The following SLC24A2 variants were observed in gnomAD, a reference collection of about 807,000 sequenced individuals.
SLC24A2 encodes solute carrier family 24 member 2, also known as sodium/potassium/calcium exchanger 2.
Under a neutral mutation model 62.0 loss-of-function variants are expected in SLC24A2, and 36 were observed. The ratio of observed to expected loss-of-function variants is 0.58; its 90% confidence interval spans 0.44 to 0.77. The LOEUF is 0.77. Among genes scored for constraint, SLC24A2 ranks in the 30% least tolerant of loss-of-function variants. The pLI, the probability that SLC24A2 is intolerant of heterozygous loss-of-function variation, is 0.00. For missense variants in SLC24A2, 846 were observed against 817.9 expected, an observed-to-expected ratio of 1.03 and a Z score of -0.42; for synonymous variants, 358 against 294.0, an observed-to-expected ratio of 1.22 and a Z score of -2.23.
the SLC24A2 span, among the ~76,000 whole-genome samples, chr9:20,269,318 G>T: frequency 3.0e-3 from 456 of 152,260 alleles, 3 homozygotes; most frequent in African/African-American, 0.011. Context: ...CATCCATGAT[G>T]TTGGAAACTG....
chr9:19,593,279 C>T (rs946774082), intron 5 of SLC24A2, among the ~76,000 whole-genome samples: 1 of 152,200 alleles, frequency 6.6e-6, no homozygotes, highest in Admixed American at 6.5e-5. Context: ...TGTTTAATCT[C>T]CTCCGCTCTG....
At chr9:20,231,323 G>A in the SLC24A2 span, among the ~76,000 whole-genome samples, 1 of 152,124 alleles carries the variant, frequency 6.6e-6, no homozygotes, top group Non-Finnish European at 1.5e-5. Flanking sequence ...ATTATCTTGG[G>A]CAGTATGGCC....
chr9:20,269,677 C>G, the SLC24A2 span, among the ~76,000 whole-genome samples: 1 of 152,160 alleles, frequency 6.6e-6, no homozygotes, highest in Admixed American at 6.5e-5. Context: ...CGACCCTCAC[C>G]AAGATTTTTT....
intron 5 of SLC24A2, among the ~76,000 whole-genome samples, chr9:19,589,580 A>G (rs1339737068): frequency 6.6e-6 from 1 of 152,240 alleles, no homozygotes; most frequent in African/African-American, 2.4e-5. Flanking sequence ...AAGGGAATAT[A>G]TATTTTTTCA....
At chr9:20,129,989 A>C in the SLC24A2 span, among the ~76,000 whole-genome samples, 1 of 149,318 alleles carries the variant, frequency 6.7e-6, no homozygotes, top group Admixed American at 6.7e-5. Context: ...CCTAGAAGGT[A>C]GTTTTGGCCT....
chr9:19,896,731 C>T, the SLC24A2 span, among the ~76,000 whole-genome samples: 1 of 152,128 alleles, frequency 6.6e-6, no homozygotes, highest in Non-Finnish European at 1.5e-5. Flanking sequence ...AAGACTTTGT[C>T]CATCTTCTTA....
At chr9:20,139,126 G>T in the SLC24A2 span, among the ~76,000 whole-genome samples, 7 of 152,104 alleles carry the variant, frequency 4.6e-5, no homozygotes, top group Non-Finnish European at 8.8e-5. Context: ...ATCTTTTTGG[G>T]TTTTTTTGCC....
At chr9:19,924,850 T>C in the SLC24A2 span, among the ~76,000 whole-genome samples, 1 of 152,196 alleles carries the variant, frequency 6.6e-6, no homozygotes, top group Non-Finnish European at 1.5e-5. Flanking sequence ...GTTTGCCCCA[T>C]AATTACTATC....
chr9:19,837,315 G>C, the SLC24A2 span, among the ~76,000 whole-genome samples: 1 of 151,006 alleles, frequency 6.6e-6, no homozygotes, highest in Non-Finnish European at 1.5e-5. Flanking sequence ...AGCCGGGTGC[G>C]GTGGCGGGCG....
At chr9:19,636,851 G>T (rs1329886044) in intron 2 of SLC24A2, among the ~76,000 whole-genome samples, 1 of 152,170 alleles carries the variant, frequency 6.6e-6, no homozygotes, top group Non-Finnish European at 1.5e-5. Context: ...GCAGCGGGAA[G>T]AGTGTCCATA....
At chr9:19,889,448 A>G in the SLC24A2 span, among the ~76,000 whole-genome samples, 2 of 147,384 alleles carry the variant, frequency 1.4e-5, no homozygotes, top group African/African-American at 5.0e-5. Flanking sequence ...AGGAAATACA[A>G]ATTTAATCCT....
At chr9:19,674,061 C>T (rs1819496590) in intron 2 of SLC24A2, among the ~76,000 whole-genome samples, 1 of 152,076 alleles carries the variant, frequency 6.6e-6, no homozygotes, top group Non-Finnish European at 1.5e-5. Flanking sequence ...TCTTATAGTG[C>T]TGGCTTGGTA....
At chr9:19,946,420 A>G in the SLC24A2 span, among the ~76,000 whole-genome samples, 3 of 152,202 alleles carry the variant, frequency 2.0e-5, no homozygotes, top group Non-Finnish European at 4.4e-5. Context: ...GAGGAGCTCA[A>G]TCAGTATCAT....
the SLC24A2 span, among the ~76,000 whole-genome samples, chr9:20,238,369 A>G: frequency 5.8e-4 from 88 of 152,336 alleles, no homozygotes; most frequent in African/African-American, 2.0e-3. Context: ...TGAAAAACCA[A>G]TTTAGCCATC....
At chr9:19,845,187 G>C in the SLC24A2 span, among the ~76,000 whole-genome samples, 1 of 152,010 alleles carries the variant, frequency 6.6e-6, no homozygotes, top group African/African-American at 2.4e-5. Flanking sequence ...TCTATGATTT[G>C]TTTCAGCAGT....
the SLC24A2 span, among the ~76,000 whole-genome samples, chr9:20,238,786 A>G: frequency 4.0e-3 from 607 of 152,322 alleles, 4 homozygotes; most frequent in African/African-American, 0.014. Flanking sequence ...CAGCATGACT[A>G]TATTTGGAGA....
the SLC24A2 span, among the ~76,000 whole-genome samples, chr9:20,045,297 G>A: frequency 6.6e-6 from 1 of 152,160 alleles, no homozygotes; most frequent in Admixed American, 6.5e-5. Context: ...ATTTCTCAGA[G>A]AGCGTGTACA....
chr9:19,666,093 T>C (rs774667110), intron 2 of SLC24A2, among the ~76,000 whole-genome samples: 28 of 152,170 alleles, frequency 1.8e-4, no homozygotes, highest in Non-Finnish European at 3.1e-4. Flanking sequence ...TTGGAGCATT[T>C]CAATGATACA....
rs989208977 is a variant in SLC24A2 at position 19,788,667 on chromosome 9, T to A, written c.-154+218A>T. 8 of 983,376 alleles carry A rather than the reference T, an allele frequency of 8.1e-6. No homozygotes were observed. The African/African-American group carries it at 1.2e-4, about 15-fold the overall frequency. 60.9% of individuals were successfully genotyped at this position (983,376 alleles called of 1,614,324 possible). On this transcript the variant is annotated intron_variant, in intron 1 of 10. Transcript: ENST00000341998. ...GGCAGGCCCTGCCCCACGCCCCCCA[T>A]CCCAAGCCAAAAGCAAGGGTAGGAG...
Sources: allele counts gnomAD v4.1 joint callset (sites outside exome capture counted in the v4.1 genomes callset), GRCh38; gene constraint gnomAD v4.1.1; transcripts MANE v1.5; gene names NCBI Gene and HGNC (gene_info 2026-07-23, HGNC 2026-07-21).